Variants in FZD3 observed in about 807,000 individuals in gnomAD.
FZD3 encodes the protein frizzled-3.
In FZD3, 30 loss-of-function variants were observed where a neutral mutation model predicts 60.7. The observed-to-expected ratio is 0.49, with a 90% confidence interval of 0.37 to 0.67. The LOEUF (loss-of-function observed/expected upper bound fraction) is 0.67. Ranked by LOEUF, FZD3 falls within the 30% of genes least tolerant of loss-of-function variation. The pLI, the probability that FZD3 is intolerant of heterozygous loss-of-function variation, is 0.00. For synonymous variants in FZD3, 246 were observed against 275.2 expected, an observed-to-expected ratio of 0.89 and a Z score of 1.05; for missense variants, 605 against 838.7, an observed-to-expected ratio of 0.72 and a Z score of 3.44.
chr8:28,516,027 A>G (rs2130331844), intron 3 of FZD3, among the ~76,000 whole-genome samples: 1 of 152,258 alleles, frequency 6.6e-6, no homozygotes, highest in African/African-American at 2.4e-5. Context: ...TATGAGTTTC[A>G]TAGATTATGC....
At chr8:28,551,010 G>A (rs1306574822) in intron 5 of FZD3, among the ~76,000 whole-genome samples, 1 of 151,932 alleles carries the variant, frequency 6.6e-6, no homozygotes, top group Admixed American at 6.6e-5. Context: ...CCTCTCTCCC[G>A]CCATTGTACA....
intron 5 of FZD3, among the ~76,000 whole-genome samples, chr8:28,545,801 AC>A (rs1205990125): frequency 6.6e-6 from 1 of 152,226 alleles, no homozygotes; most frequent in Non-Finnish European, 1.5e-5. Flanking sequence ...ATATTAAAAA[AC>A]ATACCAAAAG....
At chr8:28,510,337 C>T (rs1216064405) in intron 3 of FZD3, among the ~76,000 whole-genome samples, 1 of 152,098 alleles carries the variant, frequency 6.6e-6, no homozygotes. Flanking sequence ...GGATAGGTTC[C>T]TAGAAGTATA....
chr8:28,513,369 T>C (rs1804339440), intron 3 of FZD3, among the ~76,000 whole-genome samples: 1 of 152,180 alleles, frequency 6.6e-6, no homozygotes, highest in Admixed American at 6.5e-5. Flanking sequence ...GAACTCTGCT[T>C]TGACTTGTGA....
At position 28,569,929 on chromosome 8, in the gene FZD3, T is replaced by A. The variant is rs539509132; in HGVS notation, c.*6918T>A. On this transcript the variant is annotated 3_prime_UTR_variant, in exon 8 of 8. Transcript: ENST00000240093. ...CAAAGCAATGGTTCGTATGGCTAAT[T>A]TAAAAGCAATTCAATTTACCAATAT... 2.2e-4 allele frequency: 33 copies of A among 152,286 alleles called. No homozygotes were observed. Among genetic ancestry groups the A allele is most frequent in the African/African-American group, 7.9e-4 (33 of 41,570 alleles). The allele number at this position is 152,286 out of a possible 1,614,324, so 9.4% of individuals were successfully genotyped here. A position where few individuals can be genotyped will look rare whatever the true frequency, so the allele number is the denominator to read the frequency against.
chr8:28,527,847 G>A lies in FZD3; in HGVS notation c.1087G>A (p.Val363Ile), dbSNP rs747574173. 3.1e-6 allele frequency: 5 copies of A among 1,613,940 alleles called. No homozygotes were observed. Among genetic ancestry groups the A allele is most frequent in the Non-Finnish European group, 4.2e-6 (5 of 1,179,976 alleles). The change falls in exon 5 of 8, where the codon GTT becomes ATT. Residue 363 changes from valine (V) to isoleucine (I), a missense_variant. Coordinates refer to ENST00000240093, the MANE Select transcript of FZD3 (RefSeq NM_017412.4). This position sits in a 1 kb window ranked among gnomAD's most constrained non-coding sequence, Gnocchi z 5.0. Reference sequence around the variant, plus strand: ...TGACAATATTAGTGGCGTGTGTTTTGTTGGCCTCTACGATGTTGATGCATT... The same window carrying A: ...TGACAATATTAGTGGCGTGTGTTTTATTGGCCTCTACGATGTTGATGCATT... ...EGDNISGVCF[V>I]GLYDVDALRY...
At chr8:28,508,371 G>A (rs1203536555) in intron 3 of FZD3, among the ~76,000 whole-genome samples, 4 of 150,820 alleles carry the variant, frequency 2.7e-5, no homozygotes, top group African/African-American at 9.8e-5. Context: ...TGGGTGCTAA[G>A]CCTAGTGATA....
At chr8:28,540,637 G>T (rs928877573) in intron 5 of FZD3, among the ~76,000 whole-genome samples, 1 of 152,090 alleles carries the variant, frequency 6.6e-6, no homozygotes, top group Admixed American at 6.5e-5. Context: ...GAAATATTTT[G>T]TGAGTTTTTT....
intron 2 of FZD3, among the ~76,000 whole-genome samples, chr8:28,500,712 C>T (rs918120386): frequency 8.6e-5 from 13 of 152,004 alleles, no homozygotes; most frequent in South Asian, 2.1e-4. Flanking sequence ...ATTGTTACTG[C>T]GCTGCATGGT....
intron 1 of FZD3, among the ~76,000 whole-genome samples, chr8:28,496,780 C>T (rs922343366): frequency 4.6e-5 from 7 of 152,142 alleles, no homozygotes; most frequent in African/African-American, 1.7e-4. Context: ...GTGTATTGCA[C>T]GTGAAGTTTG....
intron 5 of FZD3, among the ~76,000 whole-genome samples, chr8:28,548,780 A>G (rs1233277940): frequency 6.6e-6 from 1 of 151,422 alleles, no homozygotes; most frequent in Non-Finnish European, 1.5e-5. Flanking sequence ...TTTTTTTTGG[A>G]ATTTGGGGAT....
At chr8:28,496,691 A>G (rs942367410) in intron 1 of FZD3, among the ~76,000 whole-genome samples, 3 of 152,202 alleles carry the variant, frequency 2.0e-5, no homozygotes, top group African/African-American at 4.8e-5. Flanking sequence ...TTTACCTACT[A>G]TGTCAAAAAA....
chr8:28,500,722 T>C (rs10099736), intron 2 of FZD3, among the ~76,000 whole-genome samples: 5,372 of 152,252 alleles, frequency 0.035, 297 homozygotes, highest in African/African-American at 0.12. Context: ...CGCTGCATGG[T>C]AATTAAGATA....
intron 1 of FZD3, among the ~76,000 whole-genome samples, chr8:28,497,592 AC>A (rs1201092769): frequency 1.3e-5 from 2 of 152,188 alleles, no homozygotes; most frequent in African/African-American, 4.8e-5. Flanking sequence ...CTTTGAAACA[AC>A]CTTTAGATGA....
chr8:28,541,723 C>T (rs905682330), intron 5 of FZD3, among the ~76,000 whole-genome samples: 1 of 152,200 alleles, frequency 6.6e-6, no homozygotes, highest in African/African-American at 2.4e-5. Context: ...CTTAGTATGT[C>T]TAAAACACAG....
chr8:28,514,108 A>T (rs1225044720), intron 3 of FZD3, among the ~76,000 whole-genome samples: 1 of 152,228 alleles, frequency 6.6e-6, no homozygotes, highest in Admixed American at 6.5e-5. Flanking sequence ...TAAACTTCCT[A>T]TACCCTGGTC....
Position 28,565,629 on chromosome 8 carries a change from A to G in FZD3, c.*2618A>G, listed in dbSNP as rs1484535579. The G allele has an allele frequency of 6.6e-6, 1 of 152,202 alleles. No individual in the cohort carries two copies. Among genetic ancestry groups the G allele is most frequent in the Non-Finnish European group, 1.5e-5 (1 of 68,020 alleles). The allele number at this position is 152,202 out of a possible 1,614,324, so 9.4% of individuals were successfully genotyped here. On this transcript the variant is annotated 3_prime_UTR_variant, in exon 8 of 8. Transcript: ENST00000240093. ...TAACTTTGTGCTTCTAGATTTTTAG[A>G]TAATCATTTGTATTTTCTCTATTAA...
intron 4 of FZD3, 78 bp downstream of exon 4, chr8:28,520,912 G>A: frequency 9.2e-7 from 1 of 1,081,302 alleles, no homozygotes; most frequent in South Asian, 2.5e-5. Context: ...TTTTCCATCT[G>A]TTTTAAAAAA....
chr8:28,542,267 T>A lies in FZD3; in HGVS notation c.1405-9336T>A, dbSNP rs188475036. Among the ~76,000 whole-genome samples, 6 of 152,232 alleles carry A rather than the reference T, an allele frequency of 3.9e-5. No individual in the cohort carries two copies. In the East Asian group the frequency reaches 1.2e-3, roughly 29 times the overall value. ...CAAACTTGTTCTGTCAGGATTATTG[T>A]TATTGCTGTTTCTTCTGCCTAAATC... On this transcript the variant is annotated intron_variant, in intron 5 of 7. Transcript: ENST00000240093.
Sources: gnomAD v4.1 joint callset for allele counts (sites outside exome capture counted in the v4.1 genomes callset) on GRCh38, gnomAD v4.1.1 for gene constraint, Gnocchi (gnomAD v3.1) non-coding constraint, MANE v1.5 for transcripts, NCBI Gene and HGNC (gene_info 2026-07-23, HGNC 2026-07-21) for gene names.